Variants in EIF4ENIF1 observed in about 807,000 individuals in gnomAD.
EIF4ENIF1 encodes the protein eukaryotic translation initiation factor 4E transporter.
A neutral mutation model predicts 110.5 loss-of-function variants in EIF4ENIF1; 23 were observed. The observed-to-expected ratio is 0.21, with a 90% confidence interval of 0.15 to 0.29. EIF4ENIF1 has a LOEUF of 0.29. Ranked by LOEUF, EIF4ENIF1 falls within the 10% of genes least tolerant of loss-of-function variation. The pLI is 1.00. For synonymous variants in EIF4ENIF1, 440 were observed against 437.0 expected (o/e 1.01, Z -0.09); for missense variants, 1,031 against 1,221.1 (o/e 0.84, Z 2.32).
chr22:31,482,365 A>AT (rs1466971400), intron 2 of EIF4ENIF1, among the ~76,000 whole-genome samples: 1 of 152,150 alleles, frequency 6.6e-6, no homozygotes, highest in East Asian at 1.9e-4. Context: ...GAAGAACAGC[A>AT]TAACGTATGT....
At position 31,455,238 on chromosome 22, in the gene EIF4ENIF1, C is replaced by T. The variant is rs1203985663; in HGVS notation, c.1177G>A (p.Glu393Lys). The change falls in exon 9 of 19, where the codon GAA becomes AAA. Residue 393 changes from glutamate to lysine, a missense_variant. Glu to Lys is a moderately conservative substitution (Grantham distance 56, BLOSUM62 1). Coordinates refer to ENST00000330125, the MANE Select transcript of EIF4ENIF1 (RefSeq NM_019843.4). ...FAPIPLEDHA[E>K]NKVDILEMLQ... ...ATTTCTAAAATATCCACTTTATTTT[C>T]AGCATGGTCTTCCAATGGTATAGGA... 1.5e-5 allele frequency: 25 copies of T among 1,613,948 alleles called. No homozygotes were observed. Among genetic ancestry groups the T allele is most frequent in the Non-Finnish European group, 2.1e-5 (25 of 1,179,942 alleles).
rs961873402 is a variant in EIF4ENIF1 at position 31,439,679 on chromosome 22, T to C, written c.*201A>G. 6.0e-5 allele frequency: 40 copies of C among 666,878 alleles called. 1 individual carries two copies. The Admixed American group carries it at 1.2e-3, about 20-fold the overall frequency. The allele number at this position is 666,878 out of a possible 1,614,324, so 41.3% of individuals were successfully genotyped here. The stretch of plus-strand genomic sequence containing the variant: ...CCAGGATTGACAACATTGTGCATCC[T>C]GTATTCAGACAATGTACACTCCACT... On this transcript the variant is annotated 3_prime_UTR_variant, in exon 19 of 19. Transcript: ENST00000330125.
In EIF4ENIF1 at chr22:31,455,920, G is replaced by A. The variant is rs570506398; in HGVS notation, c.1031C>T (p.Pro344Leu). The A allele has an allele frequency of 6.8e-6, 11 of 1,614,066 alleles. No homozygotes were observed. Among genetic ancestry groups the A allele is most frequent in the East Asian group, 2.2e-5 (1 of 44,884 alleles). Residue 344 changes from proline to leucine, a missense_variant, in exon 8 of 19, where the codon CCG becomes CTG. Around this residue, in one of 3 missense-constraint regions of EIF4ENIF1, gnomAD observed 704 missense variants for 879.7 expected, o/e 0.80. Coordinates refer to ENST00000330125, the MANE Select transcript of EIF4ENIF1 (RefSeq NM_019843.4). ...GCTGGATCGGCTTCCTGATCTGCTCGGGTTAGAGAACCACCTACTGAACCG... is the reference window on the plus strand; with the variant it reads ...GCTGGATCGGCTTCCTGATCTGCTCAGGTTAGAGAACCACCTACTGAACCG... ...ASRFSRWFSN[P>L]SRSGSRSSSL...
In EIF4ENIF1 at chr22:31,442,968, T is replaced by G. The variant is rs370449766; in HGVS notation, c.2200A>C (p.Ser734Arg). The G allele has an allele frequency of 6.2e-7, 1 of 1,614,026 alleles. No homozygotes were observed. ...CTTAACAGCTCTGCAGTACCTTCAC[T>G]GGCCTTCTGAGTATCCTCTTTACTG... is the stretch of plus-strand genomic sequence containing the variant. ...GDSKEDTQKASEENLLSSSSV... is the reference protein window; with the variant it reads ...GDSKEDTQKAREENLLSSSSV... The change falls in exon 16 of 19, where the codon AGT (serine) becomes CGT (arginine). Residue 734 changes from serine (S) to arginine (R), a missense_variant. By Grantham distance (110) the Ser-to-Arg change is moderately radical (BLOSUM62 -1). Coordinates refer to ENST00000330125, the MANE Select transcript of EIF4ENIF1 (RefSeq NM_019843.4).
At chr22:31,452,101 T>C (rs868178397) in intron 10 of EIF4ENIF1, among the ~76,000 whole-genome samples, 1 of 152,356 alleles carries the variant, frequency 6.6e-6, no homozygotes. Flanking sequence ...ACTTGGAGGA[T>C]AGAATCTATA....
chr22:31,453,477 C>G (rs1232766193), intron 10 of EIF4ENIF1: 2 of 260,688 alleles, frequency 7.7e-6, no homozygotes, highest in African/African-American at 4.6e-5. Flanking sequence ...CAGGTTCAAG[C>G]AGTTCTCTTG....
intron 4 of EIF4ENIF1, among the ~76,000 whole-genome samples, chr22:31,466,642 T>TGGGGG (rs59271217): frequency 3.1e-4 from 17 of 55,564 alleles, no homozygotes; most frequent in African/African-American, 1.0e-3. Context: ...GGAAGTGTTG[T>TGGGGG]GGGGGGGGCA....
chr22:31,477,357 CAA>C (rs749894840), intron 2 of EIF4ENIF1, among the ~76,000 whole-genome samples: 23 of 46,850 alleles, frequency 4.9e-4, no homozygotes, highest in African/African-American at 1.5e-3. Context: ...CCTCTGTCTC[CAA>C]AAAAAAAAAA....
rs145136694 is a variant in EIF4ENIF1, at chr22:31,450,233, G to C, written c.1584+56C>G. ...CAAAGTTGGACCACTAAGCAAAACTGGTTCAGAAGACTACTGTTCAAGACT... is the reference window on the plus strand; with the variant it reads ...CAAAGTTGGACCACTAAGCAAAACTCGTTCAGAAGACTACTGTTCAAGACT... On this transcript the variant is annotated intron_variant, in intron 11 of 18. Transcript: ENST00000330125. 1.2e-5 allele frequency: 18 copies of C among 1,458,198 alleles called. No homozygotes were observed. The African/African-American group carries it at 2.1e-4, about 17-fold the overall frequency. The allele number at this position is 1,458,198 out of a possible 1,614,324, so 90.3% of individuals were successfully genotyped here. A position where few individuals can be genotyped will look rare whatever the true frequency, so the allele number is the denominator to read the frequency against.
chr22:31,442,225 T>C (rs1457764913), intron 16 of EIF4ENIF1, 107 bp from the exon 17 acceptor site: 3 of 873,666 alleles, frequency 3.4e-6, no homozygotes, highest in Non-Finnish European at 3.6e-6. Context: ...TCTTATCTGA[T>C]ACCCTTAACA....
chr22:31,440,656 G>A, intron 18 of EIF4ENIF1, 48 bp downstream of exon 18: 1 of 1,572,436 alleles, frequency 6.4e-7, no homozygotes, highest in South Asian at 1.2e-5. Flanking sequence ...AAAGCTTCAA[G>A]ACTCCCTAAG....
chr22:31,472,613 C>CA (rs2051421552), intron 2 of EIF4ENIF1, among the ~76,000 whole-genome samples: 1 of 151,954 alleles, frequency 6.6e-6, no homozygotes, highest in Non-Finnish European at 1.5e-5. Flanking sequence ...TGAAAAAACA[C>CA]AAAAAACATC....
upstream of EIF4ENIF1, among the ~76,000 whole-genome samples, chr22:31,492,294 C>G (rs1444456376): frequency 6.6e-6 from 1 of 152,302 alleles, no homozygotes; most frequent in East Asian, 1.9e-4. Flanking sequence ...GGAGTCAGCA[C>G]GGCTACCCTA....
intron 14 of EIF4ENIF1, 44 bp from the exon 15 acceptor site, chr22:31,444,734 C>T: frequency 6.3e-7 from 1 of 1,579,600 alleles, no homozygotes; most frequent in Non-Finnish European, 8.7e-7. Context: ...ATCTGCTTAA[C>T]TTCAAGTCTT....
intron 10 of EIF4ENIF1, chr22:31,453,531 C>G: frequency 4.9e-6 from 1 of 203,390 alleles, no homozygotes; most frequent in Non-Finnish European, 1.0e-5. Flanking sequence ...CATGCCCCCA[C>G]GCCTGGCTAA....
At chr22:31,442,380 A>T (rs2050328374) in intron 16 of EIF4ENIF1, among the ~76,000 whole-genome samples, 1 of 152,222 alleles carries the variant, frequency 6.6e-6, no homozygotes, top group African/African-American at 2.4e-5. Flanking sequence ...TGGCAATTAG[A>T]GTCTGGTCAA....
intron 6 of EIF4ENIF1, 89 bp from the exon 7 acceptor site, chr22:31,458,739 G>GAGCC: frequency 8.1e-7 from 1 of 1,227,420 alleles, no homozygotes; most frequent in Non-Finnish European, 1.1e-6. Flanking sequence ...ACATGTAGAA[G>GAGCC]AGCCACACAT....
chr22:31,468,934 A>G (rs1476414518), intron 3 of EIF4ENIF1, among the ~76,000 whole-genome samples: 1 of 152,184 alleles, frequency 6.6e-6, no homozygotes, highest in Non-Finnish European at 1.5e-5. Flanking sequence ...CATAAATATT[A>G]ACTGTTGTTT....
upstream of EIF4ENIF1, among the ~76,000 whole-genome samples, chr22:31,490,435 T>C (rs1358536911): frequency 1.3e-5 from 2 of 152,226 alleles, no homozygotes; most frequent in African/African-American, 2.4e-5. Context: ...GTCGTGTTTC[T>C]AAAATGGCCT....
Sources: allele counts gnomAD v4.1 joint callset (sites outside exome capture counted in the v4.1 genomes callset), GRCh38; gene constraint gnomAD v4.1.1; regional missense constraint gnomAD v4.1.1; transcripts MANE v1.5; gene names NCBI Gene and HGNC (gene_info 2026-07-23, HGNC 2026-07-21).